CA5A: variants seen among roughly 807,000 people sequenced by gnomAD.
CA5A encodes the protein carbonic anhydrase 5A, also known as carbonic anhydrase 5A, mitochondrial.
Under a neutral mutation model 37.1 loss-of-function variants are expected in CA5A, and 28 were observed. The ratio of observed to expected loss-of-function variants is 0.75; its 90% CI spans 0.56 to 1.03. CA5A has a LOEUF of 1.03. CA5A is among the 50% of genes least tolerant of loss of function. The pLI is 0.00. For synonymous variants in CA5A, 171 were observed against 158.4 expected (o/e 1.08, Z -0.60); for missense variants, 444 against 399.9 (o/e 1.11, Z -0.94).
intron 1 of CA5A, among the ~76,000 whole-genome samples, chr16:87,930,659 A>T (rs1466037212): frequency 2.0e-5 from 3 of 151,478 alleles, no homozygotes; most frequent in Non-Finnish European, 4.4e-5. Flanking sequence ...GGGACAGCAC[A>T]GGGTGGTTCT....
At chr16:87,914,813 A>G (rs1202323537) in intron 2 of CA5A, among the ~76,000 whole-genome samples, 1 of 152,172 alleles carries the variant, frequency 6.6e-6, no homozygotes, top group Non-Finnish European at 1.5e-5. Context: ...ACCGTCCCCT[A>G]AGTGTTTCCC....
intron 1 of CA5A, among the ~76,000 whole-genome samples, chr16:87,933,599 T>C (rs137980497): frequency 0.067 from 10,124 of 151,940 alleles, 456 homozygotes; most frequent in South Asian, 0.17. Flanking sequence ...CCCAGGCTGA[T>C]CTTGAACTCC....
At chr16:87,891,712 G>T in intron 6 of CA5A, 87 bp downstream of exon 6, 3 of 1,155,694 alleles carry the variant, frequency 2.6e-6, no homozygotes, top group Non-Finnish European at 3.5e-6. Context: ...ACTCCACAAC[G>T]CTCTCATGCA....
intron 4 of CA5A, among the ~76,000 whole-genome samples, 199 bp from the exon 5 acceptor site, chr16:87,902,173 G>C: frequency 6.6e-6 from 1 of 151,902 alleles, no homozygotes; most frequent in East Asian, 2.0e-4. Context: ...GGCCAATATG[G>C]TGAAACCCTG....
intron 5 of CA5A, among the ~76,000 whole-genome samples, chr16:87,897,694 G>C (rs372516645): frequency 8.5e-5 from 13 of 152,348 alleles, no homozygotes; most frequent in African/African-American, 3.1e-4. Flanking sequence ...GGGACTTCAG[G>C]CTGCGTGGAC....
intron 2 of CA5A, among the ~76,000 whole-genome samples, chr16:87,912,952 A>G (rs948336631): frequency 6.6e-6 from 1 of 151,986 alleles, no homozygotes; most frequent in African/African-American, 2.4e-5. Context: ...GGTGGTGGCT[A>G]AAGGAAGTGG....
rs1430280255 is a variant in CA5A at position 87,936,320 on chromosome 16, C to T, written c.131G>A (p.Ser44Asn). Reference protein sequence around the residue: ...CSQRSCAWQTSNNTLHPLWTV... With the variant: ...CSQRSCAWQTNNNTLHPLWTV... ...GAGGCTCTACTTACAAGTGTTATTG[C>T]TGGTTTGCCATGCACAGGAACGCTG... The change falls in exon 1 of 7, where the codon AGC (serine) becomes AAC (asparagine). Residue 44 changes from serine (S) to asparagine (N), a missense_variant. Physicochemically the swap from Ser to Asn is conservative, Grantham distance 46. Coordinates refer to ENST00000649794, the MANE Select transcript of CA5A (RefSeq NM_001739.2). 4 of 1,612,944 alleles carry T rather than the reference C, an allele frequency of 2.5e-6. No individual in the cohort carries two copies. Among genetic ancestry groups the T allele is most frequent in the East Asian group, 2.2e-5 (1 of 44,864 alleles).
In CA5A at chr16:87,888,017, C is replaced by G. The variant is rs758316554; in HGVS notation, c.*112G>C. 1.4e-6 allele frequency: 2 copies of G among 1,460,126 alleles called. No individual in the cohort carries two copies. Among genetic ancestry groups the G allele is most frequent in the Non-Finnish European group, 1.8e-6 (2 of 1,090,502 alleles). The allele number at this position is 1,460,126 out of a possible 1,614,324, so 90.4% of individuals were successfully genotyped here. ...AAAGTACTTCGACTAAAACAATAAC[C>G]TCATGCTCTCTTTTTAATTTCAGAA... is the stretch of plus-strand genomic sequence containing the variant. On this transcript the variant is annotated 3_prime_UTR_variant, in exon 7 of 7. Coordinates refer to ENST00000649794, the MANE Select transcript of CA5A (RefSeq NM_001739.2).
Position 87,888,284 on chromosome 16 carries a change from G to C in CA5A, c.775-12C>G, listed in dbSNP as rs1298816877. ...CGAAATGCAGAGAGCTGGAATAGAG[G>C]GCAGCCAGGGTGAGCTTGGTATGAG... On this transcript the variant is annotated splice_polypyrimidine_tract_variant and intron_variant, in intron 6 of 6. Coordinates refer to ENST00000649794, the MANE Select transcript of CA5A (RefSeq NM_001739.2). 1.2e-5 allele frequency: 20 copies of C among 1,608,368 alleles called. No individual in the cohort carries two copies. Among genetic ancestry groups the C allele is most frequent in the Non-Finnish European group, 1.7e-5 (20 of 1,176,016 alleles).
intron 2 of CA5A, among the ~76,000 whole-genome samples, chr16:87,919,976 C>G (rs2056208727): frequency 6.6e-6 from 1 of 152,198 alleles, no homozygotes. Context: ...CCACCCAGCC[C>G]CGGAAAGCCA....
At chr16:87,903,821 G>A (rs1327305510) in intron 3 of CA5A, among the ~76,000 whole-genome samples, 1 of 152,122 alleles carries the variant, frequency 6.6e-6, no homozygotes, top group African/African-American at 2.4e-5. Flanking sequence ...AAGTGAATAT[G>A]GCAAAAATGA....
intron 5 of CA5A, among the ~76,000 whole-genome samples, chr16:87,897,946 C>A (rs967310098): frequency 6.6e-6 from 1 of 152,210 alleles, no homozygotes; most frequent in African/African-American, 2.4e-5. Context: ...GCAGGTGCTC[C>A]TGACGGGAGT....
intron 5 of CA5A, among the ~76,000 whole-genome samples, chr16:87,901,466 C>T (rs1379991099): frequency 6.6e-6 from 1 of 152,250 alleles, no homozygotes; most frequent in Non-Finnish European, 1.5e-5. Flanking sequence ...AATCCCATTT[C>T]CAGAACTGGA....
rs182303497 is a variant in CA5A at position 87,891,245 on chromosome 16, A to T, written c.774+554T>A. The stretch of plus-strand genomic sequence containing the variant: ...CGCTTTGGGAGGCCAAGGTGGGCAG[A>T]TCACCTGAGGTCAAGAGTTCAAGAC... On this transcript the variant is annotated intron_variant, in intron 6 of 6. Coordinates refer to ENST00000649794, the MANE Select transcript of CA5A (RefSeq NM_001739.2). 3.4e-3 allele frequency among the ~76,000 whole-genome samples: 520 copies of T among 151,826 alleles called. 1 individual carries two copies. The highest frequency in any genetic ancestry group is 6.0e-3 in the Non-Finnish European group (408 of 67,968).
At chr16:87,914,601 G>T (rs1393143109) in intron 2 of CA5A, among the ~76,000 whole-genome samples, 1 of 152,156 alleles carries the variant, frequency 6.6e-6, no homozygotes, top group East Asian at 1.9e-4. Flanking sequence ...ACGCAGTGGG[G>T]AAGCCAGCAG....
chr16:87,912,971 C>G (rs1029341208), intron 2 of CA5A, among the ~76,000 whole-genome samples: 1 of 151,554 alleles, frequency 6.6e-6, no homozygotes, highest in Non-Finnish European at 1.5e-5. Context: ...GGGGCCTTCG[C>G]CAACAAACCG....
At chr16:87,893,361 T>A (rs1269097647) in intron 5 of CA5A, 2 of 417,060 alleles carry the variant, frequency 4.8e-6, no homozygotes, top group African/African-American at 4.1e-5. Context: ...TCTCCTGACC[T>A]CGTGATCTGC....
intron 2 of CA5A, among the ~76,000 whole-genome samples, chr16:87,909,750 C>T (rs555878728): frequency 6.6e-6 from 1 of 152,158 alleles, no homozygotes; most frequent in Non-Finnish European, 1.5e-5. Flanking sequence ...CTGTAAATTC[C>T]GAAATTAGAC....
At chr16:87,923,910 A>C (rs1055620188) in intron 2 of CA5A, 1 of 984,818 alleles carries the variant, frequency 1.0e-6, no homozygotes, top group African/African-American at 1.7e-5. Flanking sequence ...TTAAAAGTTC[A>C]GGAACTATTT....
Sources: allele counts gnomAD v4.1 joint callset (sites outside exome capture counted in the v4.1 genomes callset), GRCh38; gene constraint gnomAD v4.1.1; transcripts MANE v1.5; gene names NCBI Gene and HGNC (gene_info 2026-07-23, HGNC 2026-07-21).